ABI3BP: variants seen among roughly 807,000 people sequenced by gnomAD.
The protein encoded by ABI3BP is target of Nesh-SH3.
A neutral mutation model predicts 268.6 loss-of-function variants in ABI3BP; 216 were observed. That is an observed-to-expected ratio of 0.80 (90% CI 0.72 to 0.90). The LOEUF (loss-of-function observed/expected upper bound fraction) is 0.90, where lower values mean the gene tolerates loss of function less well. Ranked by LOEUF, ABI3BP falls within the 40% of genes least tolerant of loss-of-function variation. ABI3BP has a pLI of 0.00. For missense variants in ABI3BP, 2,090 were observed against 2,182.4 expected, an observed-to-expected ratio of 0.96 and a Z score of 0.84; for synonymous variants, 730 against 730.0, an observed-to-expected ratio of 1.00 and a Z score of 0.00.
chr3:100,911,702 T>C, intron 2 of ABI3BP: 6 of 776,910 alleles, frequency 7.7e-6, no homozygotes, highest in Non-Finnish European at 1.4e-5. Flanking sequence ...CCACTAAAGG[T>C]ACCCTGTGAA....
intron 1 of ABI3BP, among the ~76,000 whole-genome samples, chr3:100,933,333 A>T (rs1200368179): frequency 2.0e-5 from 3 of 151,896 alleles, no homozygotes; most frequent in Non-Finnish European, 2.9e-5. Context: ...TAATAACATC[A>T]TTTCAGGATT....
At chr3:100,980,152 A>G (rs557057465) in intron 1 of ABI3BP, among the ~76,000 whole-genome samples, 5 of 152,240 alleles carry the variant, frequency 3.3e-5, no homozygotes, top group South Asian at 4.1e-4. Context: ...CCTAAACCAT[A>G]CTACTGCCAA....
intron 1 of ABI3BP, among the ~76,000 whole-genome samples, chr3:100,938,343 A>T (rs2067227956): frequency 1.3e-5 from 2 of 151,912 alleles, no homozygotes; most frequent in Non-Finnish European, 2.9e-5. Flanking sequence ...GCAATAATTT[A>T]ACATTTTCTT....
intron 4 of ABI3BP, among the ~76,000 whole-genome samples, chr3:100,894,804 T>C (rs1274670840): frequency 6.6e-6 from 1 of 151,480 alleles, no homozygotes. Context: ...CTAGGCATGG[T>C]GGCCGGTGCC....
intron 1 of ABI3BP, among the ~76,000 whole-genome samples, chr3:100,936,670 T>G (rs2066298121): frequency 6.6e-6 from 1 of 152,184 alleles, no homozygotes. Context: ...GTTATTGGTC[T>G]ATTCAGGGAT....
At chr3:100,858,906 C>T (rs2098967091) in intron 14 of ABI3BP, among the ~76,000 whole-genome samples, 1 of 152,218 alleles carries the variant, frequency 6.6e-6, no homozygotes, top group Non-Finnish European at 1.5e-5. Context: ...GTAGATGTGG[C>T]TTCTCAACCA....
chr3:100,966,115 C>G (rs1389558444), intron 1 of ABI3BP, among the ~76,000 whole-genome samples: 1 of 152,318 alleles, frequency 6.6e-6, no homozygotes, highest in Non-Finnish European at 1.5e-5. Context: ...TCTCTGTTCT[C>G]TAACCTGAAG....
intron 36 of ABI3BP, among the ~76,000 whole-genome samples, chr3:100,824,230 G>A (rs943743253): frequency 8.5e-5 from 13 of 152,122 alleles, no homozygotes; most frequent in African/African-American, 2.9e-4. Flanking sequence ...AGTCGTATAT[G>A]ACCATCTAGA....
At chr3:100,984,424 G>A (rs1488916844) in intron 1 of ABI3BP, among the ~76,000 whole-genome samples, 1 of 152,142 alleles carries the variant, frequency 6.6e-6, no homozygotes, top group Admixed American at 6.5e-5. Flanking sequence ...TGCTTGAAGT[G>A]GGTGAATTTG....
At chr3:100,983,633 A>G (rs2153966950) in intron 1 of ABI3BP, among the ~76,000 whole-genome samples, 1 of 152,348 alleles carries the variant, frequency 6.6e-6, no homozygotes, top group East Asian at 1.9e-4. Context: ...ATAAAAGTAA[A>G]TGACTTTTGC....
At chr3:100,901,871 T>C (rs1459820861) in intron 3 of ABI3BP, among the ~76,000 whole-genome samples, 1 of 152,176 alleles carries the variant, frequency 6.6e-6, no homozygotes, top group Non-Finnish European at 1.5e-5. Flanking sequence ...TTCTTCCTTA[T>C]AGCAATGGTC....
Position 100,832,338 on chromosome 3 carries a change from G to T in ABI3BP, c.2327C>A (p.Thr776Lys). 1 of 1,535,394 alleles carries T rather than the reference G, an allele frequency of 6.5e-7. No homozygotes were observed. The highest frequency in any genetic ancestry group is 8.7e-7 in the Non-Finnish European group (1 of 1,146,420). ...TPGTSSAPTT[T>K]TKRTRRPHPK... is the part of the protein sequence containing the mutation. ...ATGTGGACGACGGGTTCTTTTTGTT[G>T]TTGTTGTTGGAGCTGAAGGAAGAAA... is the stretch of plus-strand genomic sequence containing the variant. Residue 776 changes from threonine (T) to lysine (K), a missense_variant, in exon 31 of 68, where the codon ACA (threonine) becomes AAA (lysine). Physicochemically the swap from Thr to Lys is moderately conservative, Grantham distance 78. Transcript: ENST00000471714.
intron 1 of ABI3BP, among the ~76,000 whole-genome samples, chr3:100,969,310 G>C (rs1165306074): frequency 6.6e-6 from 1 of 152,176 alleles, no homozygotes; most frequent in Non-Finnish European, 1.5e-5. Flanking sequence ...GCCAAGTGTG[G>C]TTAGATGACA....
intron 4 of ABI3BP, among the ~76,000 whole-genome samples, chr3:100,888,797 C>T (rs1358267586): frequency 1.3e-5 from 2 of 151,676 alleles, no homozygotes; most frequent in East Asian, 1.9e-4. Flanking sequence ...TAGGCAAATT[C>T]CAATTTTGTT....
chr3:100,864,969 G>A, intron 10 of ABI3BP, 62 bp from the exon 11 acceptor site: 2 of 1,269,964 alleles, frequency 1.6e-6, no homozygotes, highest in South Asian at 2.7e-5. Flanking sequence ...AAGACCAGGA[G>A]ACACATCCTG....
Position 100,778,342 on chromosome 3 carries a change from T to C in ABI3BP, c.4275A>G (p.Thr1425=), listed in dbSNP as rs750334855. The C allele has an allele frequency of 9.3e-6, 15 of 1,613,594 alleles. No individual in the cohort carries two copies. In the South Asian group the frequency reaches 1.5e-4, roughly 17 times the overall value. ...GTGGTAAAGGTTTTCTTCGTGGGTGTGTAGGTCTGGGTGGCAAGGGTGGGC... is the reference window on the plus strand; with the variant it reads ...GTGGTAAAGGTTTTCTTCGTGGGTGCGTAGGTCTGGGTGGCAAGGGTGGGC... The part of the protein sequence containing the change: ...TRRPPLPPRP[T]HPRRKPLPPN... Residue 1425 remains threonine, a synonymous_variant, in exon 59 of 68, where the codon ACA becomes ACG. Transcript: ENST00000471714.
intron 7 of ABI3BP, 55 bp downstream of exon 7, chr3:100,876,457 A>C (rs2099161809): frequency 6.9e-7 from 1 of 1,447,474 alleles, no homozygotes; most frequent in African/African-American, 1.4e-5. Flanking sequence ...TGATTACCTT[A>C]GCTAAAAGTA....
At chr3:100,798,709 G>A (rs1410163061) in intron 51 of ABI3BP, among the ~76,000 whole-genome samples, 1 of 149,860 alleles carries the variant, frequency 6.7e-6, no homozygotes, top group Non-Finnish European at 1.5e-5. Flanking sequence ...GTAAATGAAT[G>A]TGCATGAATG....
chr3:100,985,016 T>C (rs1293087100), intron 1 of ABI3BP, among the ~76,000 whole-genome samples: 1 of 152,258 alleles, frequency 6.6e-6, no homozygotes. Context: ...CCTCTGGTTT[T>C]TCTAGTTGCT....
Sources: allele counts gnomAD v4.1 joint callset (sites outside exome capture counted in the v4.1 genomes callset), GRCh38; gene constraint gnomAD v4.1.1; transcripts MANE v1.5; gene names NCBI Gene and HGNC (gene_info 2026-07-23, HGNC 2026-07-21).